The following ITGB2 variants were observed in gnomAD, a reference collection of about 807,000 sequenced individuals.
ITGB2 encodes integrin beta-2.
Under a neutral mutation model 86.8 loss-of-function variants are expected in ITGB2, and 56 were observed. The observed-to-expected ratio is 0.65, with a 90% CI of 0.52 to 0.81. The LOEUF (loss-of-function observed/expected upper bound fraction) is 0.81, where lower values mean the gene tolerates loss of function less well. Ranked by LOEUF, ITGB2 falls within the 30% of genes least tolerant of loss-of-function variation. The pLI is 0.00. For missense variants in ITGB2, 948 were observed against 1,061.2 expected (o/e 0.89, Z 1.48); for synonymous variants, 457 against 450.4 (o/e 1.01, Z -0.19).
chr21:44,903,400 C>G lies in ITGB2; in HGVS notation c.464G>C (p.Arg155Pro), dbSNP rs778870549. The change falls in exon 5 of 16, where the codon CGG becomes CCG. Residue 155 changes from arginine to proline, a missense_variant. Transcript: ENST00000652462. ...NVKKLGGDLL[R>P]ALNEITESGR... is the part of the protein sequence containing the mutation. ...GGACTCGGTGATCTCGTTGAGGGCCCGGAGCAGGTCGCCACCTAGCTTCTT... is the reference window on the plus strand; with the variant it reads ...GGACTCGGTGATCTCGTTGAGGGCCGGGAGCAGGTCGCCACCTAGCTTCTT... 6 of 1,614,040 alleles carry G rather than the reference C, an allele frequency of 3.7e-6. No individual in the cohort carries two copies. Among genetic ancestry groups the G allele is most frequent in the Non-Finnish European group, 5.1e-6 (6 of 1,179,962 alleles).
intron 13 of ITGB2, 174 bp downstream of exon 13, chr21:44,889,102 G>A: frequency 1.4e-6 from 1 of 705,490 alleles, no homozygotes; most frequent in Non-Finnish European, 2.4e-6. Context: ...CGCACAGGAG[G>A]GAGGAGGGAC....
chr21:44,893,390 G>A lies in ITGB2; in HGVS notation c.1224+14C>T. 6.2e-7 allele frequency: 1 copy of A among 1,613,476 alleles called. No homozygotes were observed. The highest frequency in any genetic ancestry group is 8.5e-7 in the Non-Finnish European group (1 of 1,179,708). On this transcript the variant is annotated intron_variant, in intron 10 of 15. Transcript: ENST00000652462. ...TCAGCAAGCTGGGATGGGGACCCTT[G>A]TGGCCAGGCTCACCGGGACATTGAT...
intron 11 of ITGB2, among the ~76,000 whole-genome samples, chr21:44,890,530 G>A (rs2075883): frequency 0.035 from 5,387 of 152,294 alleles, 92 homozygotes; most frequent in Middle Eastern, 0.12. Flanking sequence ...CTGCGATACC[G>A]GTGCTCTGTG....
chr21:44,893,612 G>C, intron 9 of ITGB2, 68 bp from the exon 10 acceptor site: 4 of 1,597,100 alleles, frequency 2.5e-6, no homozygotes, highest in Middle Eastern at 3.4e-4. Context: ...CTGGCCCAGC[G>C]GTTTAGACCC....
At chr21:44,891,428 G>T (rs1232469826) in intron 11 of ITGB2, among the ~76,000 whole-genome samples, 5 of 152,228 alleles carry the variant, frequency 3.3e-5, no homozygotes, top group Admixed American at 2.6e-4. Flanking sequence ...GTCAAGGAAG[G>T]TCGGGCAGAG....
chr21:44,886,217 C>T lies in ITGB2; in HGVS notation c.*151G>A. On this transcript the variant is annotated 3_prime_UTR_variant, in exon 16 of 16. Coordinates refer to ENST00000652462, the MANE Select transcript of ITGB2 (RefSeq NM_000211.5). The stretch of plus-strand genomic sequence containing the variant: ...CCCCCCGACGAGCCCCCAGAAGCAC[C>T]CGGCCGGCCATGGCTGTCATTTTGA... 9.2e-6 allele frequency: 7 copies of T among 759,302 alleles called. No individual in the cohort carries two copies. The highest frequency in any genetic ancestry group is 3.0e-5 in the South Asian group (2 of 67,310). 47.0% of individuals were successfully genotyped at this position (759,302 alleles called of 1,614,324 possible).
intron 1 of ITGB2, among the ~76,000 whole-genome samples, chr21:44,916,552 GA>G (rs1397206490): frequency 6.6e-6 from 1 of 152,160 alleles, no homozygotes; most frequent in Non-Finnish European, 1.5e-5. Context: ...AGGTATCTAA[GA>G]GTAAGGAAAC....
At chr21:44,910,190 G>A in intron 3 of ITGB2, 94 bp downstream of exon 3, 1 of 1,501,678 alleles carries the variant, frequency 6.7e-7, no homozygotes, top group South Asian at 1.2e-5. Flanking sequence ...AGAAAATGGA[G>A]TTGTTGGTCC....
At position 44,889,428 on chromosome 21, in the gene ITGB2, G is replaced by A. The variant is rs373452460; in HGVS notation, c.1725C>T (p.Cys575=). 1.2e-4 allele frequency: 195 copies of A among 1,608,992 alleles called. 1 individual carries two copies. Among genetic ancestry groups the A allele is most frequent in the Admixed American group, 1.3e-4 (8 of 59,452 alleles). The part of the protein sequence containing the change: ...HPGFEGSACQ[C]ERTTEGCLNP... Reference sequence around the variant, plus strand: ...TCAGGCAGCCCTCAGTGGTCCTCTCGCACTGGCACGCTGAGCCCTCAAAGC... The same window carrying A: ...TCAGGCAGCCCTCAGTGGTCCTCTCACACTGGCACGCTGAGCCCTCAAAGC... Residue 575 remains cysteine, a synonymous_variant, in exon 13 of 16, where the codon TGC becomes TGT. Coordinates refer to ENST00000652462, the MANE Select transcript of ITGB2 (RefSeq NM_000211.5).
upstream of ITGB2, chr21:44,921,081 C>T (rs1161568325): frequency 6.6e-6 from 1 of 152,254 alleles, no homozygotes; most frequent in Non-Finnish European, 1.5e-5. Flanking sequence ...TCATTTCTCA[C>T]ATGAGGTCCC....
intron 6 of ITGB2, among the ~76,000 whole-genome samples, 156 bp downstream of exon 6, chr21:44,901,335 TG>T (rs2083953607): frequency 6.6e-6 from 1 of 152,226 alleles, no homozygotes; most frequent in Non-Finnish European, 1.5e-5. Flanking sequence ...CTTTCCTGCA[TG>T]GGCAGCAGCA....
intron 4 of ITGB2, 113 bp from the exon 5 acceptor site, chr21:44,903,648 A>T: frequency 6.4e-6 from 8 of 1,257,694 alleles, no homozygotes; most frequent in Non-Finnish European, 9.0e-6. Flanking sequence ...CAGCCCCCAA[A>T]TCCTCCTGAC....
intron 11 of ITGB2, 87 bp from the exon 12 acceptor site, chr21:44,890,309 T>G: frequency 6.4e-7 from 1 of 1,557,454 alleles, no homozygotes; most frequent in Middle Eastern, 1.8e-4. Context: ...CCCCTTGCCC[T>G]TGGTGGAGAA....
chr21:44,918,969 T>TCCCCTCTCCCAGCACTCGGAGCTGAGCGG, intron 1 of ITGB2, among the ~76,000 whole-genome samples: 2 of 152,118 alleles, frequency 1.3e-5, no homozygotes, highest in African/African-American at 4.8e-5. Flanking sequence ...GAGCTGAGCG[T>TCCCCTCTCCCAGCACTCGGAGCTGAGCGG]CCCCTCTCCC....
intron 11 of ITGB2, among the ~76,000 whole-genome samples, chr21:44,891,400 G>A (rs1465991551): frequency 1.3e-5 from 2 of 152,226 alleles, no homozygotes; most frequent in Admixed American, 6.5e-5. Flanking sequence ...CAAGGTCAGA[G>A]AGAAGCCAGC....
chr21:44,919,407 C>T (rs945959649), intron 1 of ITGB2, among the ~76,000 whole-genome samples: 33 of 152,270 alleles, frequency 2.2e-4, no homozygotes, highest in African/African-American at 7.7e-4. Flanking sequence ...GGAAGGAGTT[C>T]CTTCCTAAAA....
intron 8 of ITGB2, among the ~76,000 whole-genome samples, chr21:44,895,665 AC>A (rs2083853997): frequency 6.6e-6 from 1 of 151,962 alleles, no homozygotes; most frequent in African/African-American, 2.4e-5. Flanking sequence ...ACATGGTGAA[AC>A]CCCGTCTCTA....
rs2083842385 is a variant in ITGB2 at position 44,894,978 on chromosome 21, G to A, written c.1076C>T (p.Ala359Val). ...SSNVVHLIKN[A>V]YNKLSSRVFL... ...GTGGTGCGGGAGACTCACATTGTAA[G>A]CATTCTTAATGAGATGGACCACATT... The change falls in exon 9 of 16, where the codon GCT (alanine) becomes GTT (valine). Residue 359 changes from alanine to valine, a missense_variant. Transcript: ENST00000652462. The A allele has an allele frequency of 6.2e-7, 1 of 1,605,084 alleles. No homozygotes were observed. The highest frequency in any genetic ancestry group is 8.5e-7 in the Non-Finnish European group (1 of 1,171,896).
upstream of ITGB2, among the ~76,000 whole-genome samples, chr21:44,925,342 CACACCACTGCACT>C (rs1170253765): frequency 6.8e-6 from 1 of 146,028 alleles, no homozygotes; most frequent in African/African-American, 2.5e-5. Context: ...GAGCCAAGAT[CACACCACTGCACT>C]CCAGCCTGGG....
Sources: allele counts gnomAD v4.1 joint callset (sites outside exome capture counted in the v4.1 genomes callset), GRCh38; gene constraint gnomAD v4.1.1; transcripts MANE v1.5; gene names NCBI Gene and HGNC (gene_info 2026-07-23, HGNC 2026-07-21).